Variants in NRG1 observed in about 807,000 individuals in gnomAD.
NRG1 encodes the protein pro-neuregulin-1, membrane-bound isoform.
In NRG1, 18 loss-of-function variants were observed where a neutral mutation model predicts 63.8. That is an observed-to-expected ratio of 0.28 (90% CI 0.19 to 0.42). NRG1 has a LOEUF of 0.42. Among genes scored for constraint, NRG1 ranks in the 10% least tolerant of loss-of-function variants. The probability of loss-of-function intolerance (pLI) is 1.00; values close to 1 mark genes in which losing one functional copy is unlikely to be tolerated. For missense variants in NRG1, 762 were observed against 814.7 expected (o/e 0.94, Z 0.79); for synonymous variants, 302 against 301.3 (o/e 1.00, Z -0.02).
intron 1 of NRG1, among the ~76,000 whole-genome samples, chr8:31,905,096 C>T (rs2129616005): frequency 6.6e-6 from 1 of 152,002 alleles, no homozygotes; most frequent in South Asian, 2.1e-4. Flanking sequence ...GCAGAAGAAG[C>T]TGATCTATGG....
chr8:31,834,330 C>CACACACAT (rs34893626), intron 1 of NRG1, among the ~76,000 whole-genome samples: 24,893 of 151,318 alleles, frequency 0.16, 2,256 homozygotes, highest in Admixed American at 0.21. Flanking sequence ...CACACACACA[C>CACACACAT]GCACACCAAT....
chr8:32,152,603 A>G (rs1837625935), intron 1 of NRG1, among the ~76,000 whole-genome samples: 1 of 152,170 alleles, frequency 6.6e-6, no homozygotes, highest in African/African-American at 2.4e-5. Context: ...AACTATTTCC[A>G]TTAATATAGC....
chr8:31,722,194 A>C (rs1409877360), intron 1 of NRG1, among the ~76,000 whole-genome samples: 1 of 152,086 alleles, frequency 6.6e-6, no homozygotes. Context: ...GCCCACTCAG[A>C]CCAGATCTAA....
chr8:32,236,614 A>G (rs73578666), intron 1 of NRG1, among the ~76,000 whole-genome samples: 15,099 of 152,216 alleles, frequency 0.099, 906 homozygotes, highest in East Asian at 0.28. Flanking sequence ...AGCAGCAATT[A>G]AATTTGTTTT....
chr8:32,444,078 C>T (rs1187910056), intron 1 of NRG1, among the ~76,000 whole-genome samples: 1 of 148,970 alleles, frequency 6.7e-6, no homozygotes, highest in Non-Finnish European at 1.5e-5. Context: ...CTCTTCCCTC[C>T]CTCCCTCCCT....
intron 1 of NRG1, among the ~76,000 whole-genome samples, chr8:31,962,983 T>C (rs189978372): frequency 2.0e-5 from 3 of 152,324 alleles, no homozygotes; most frequent in African/African-American, 7.2e-5. Flanking sequence ...CATGTAGACA[T>C]TGAAAAATAC....
chr8:32,044,649 A>G (rs966475114), intron 1 of NRG1, among the ~76,000 whole-genome samples: 19 of 151,758 alleles, frequency 1.3e-4, no homozygotes, highest in African/African-American at 3.9e-4. Flanking sequence ...GAAATAAATG[A>G]CAGATGCCAG....
chr8:32,323,262 G>A (rs1801623356), intron 1 of NRG1, among the ~76,000 whole-genome samples: 1 of 152,120 alleles, frequency 6.6e-6, no homozygotes, highest in Non-Finnish European at 1.5e-5. Context: ...CTTTCCAAAA[G>A]CAATGTACTT....
At chr8:32,540,010 C>T (rs1360104925) in intron 1 of NRG1, among the ~76,000 whole-genome samples, 1 of 152,000 alleles carries the variant, frequency 6.6e-6, no homozygotes, top group Non-Finnish European at 1.5e-5. Flanking sequence ...AGTCCTTGAA[C>T]TGATAAACAA....
intron 1 of NRG1, among the ~76,000 whole-genome samples, chr8:32,464,733 C>G (rs916340345): frequency 6.6e-6 from 1 of 152,008 alleles, no homozygotes; most frequent in African/African-American, 2.4e-5. Flanking sequence ...TCATGGATAT[C>G]TATGTCATTT....
At chr8:32,626,160 G>A (rs1346132288) in intron 5 of NRG1, among the ~76,000 whole-genome samples, 1 of 152,030 alleles carries the variant, frequency 6.6e-6, no homozygotes, top group Non-Finnish European at 1.5e-5. Context: ...TTCAGCATGA[G>A]GCTAGGAAAT....
rs151229497 is a variant in NRG1 at position 32,637,936 on chromosome 8, A to G, written c.502+21051A>G. ...TGGGAGCATTAAAGAGTAAACTTTCAAGTAGAAATGGTCCAGGGAAACAGT... is the reference window on the plus strand; with the variant it reads ...TGGGAGCATTAAAGAGTAAACTTTCGAGTAGAAATGGTCCAGGGAAACAGT... On this transcript the variant is annotated intron_variant, in intron 5 of 11. Transcript: ENST00000356819. Among the ~76,000 whole-genome samples, 1,175 of 152,288 alleles carry G rather than the reference A, an allele frequency of 7.7e-3. 6 individuals carry two copies. The highest frequency in any genetic ancestry group is 0.024 in the Middle Eastern group (7 of 294).
At chr8:31,948,821 G>C (rs1021611996) in intron 1 of NRG1, among the ~76,000 whole-genome samples, 1 of 152,168 alleles carries the variant, frequency 6.6e-6, no homozygotes, top group Non-Finnish European at 1.5e-5. Context: ...CCCCCAACAG[G>C]ATGTGCCATG....
intron 1 of NRG1, among the ~76,000 whole-genome samples, chr8:31,771,014 T>C (rs1241794415): frequency 2.0e-5 from 3 of 152,080 alleles, no homozygotes; most frequent in African/African-American, 7.2e-5. Context: ...AGTTCTTACA[T>C]GCAATCATTT....
intron 6 of NRG1, among the ~76,000 whole-genome samples, chr8:32,731,852 G>A (rs1431318380): frequency 6.6e-6 from 1 of 152,142 alleles, no homozygotes; most frequent in Non-Finnish European, 1.5e-5. Flanking sequence ...CTAGAGCTAA[G>A]CATTGCTGAA....
intron 1 of NRG1, among the ~76,000 whole-genome samples, chr8:31,943,315 T>A (rs1037887582): frequency 3.9e-5 from 6 of 152,212 alleles, no homozygotes; most frequent in Middle Eastern, 3.4e-3. Context: ...TTCTCACTCA[T>A]ATGTGGGAGC....
At chr8:31,693,794 A>G (rs142045173) in intron 1 of NRG1, among the ~76,000 whole-genome samples, 404 of 152,280 alleles carry the variant, frequency 2.7e-3, no homozygotes, top group Non-Finnish European at 3.2e-3. Context: ...CTGTCCTGTC[A>G]TAAATTGCCG....
chr8:31,749,295 T>C (rs980985664), intron 1 of NRG1, among the ~76,000 whole-genome samples: 2 of 151,890 alleles, frequency 1.3e-5, no homozygotes, highest in Admixed American at 6.6e-5. Flanking sequence ...AGTTTTACAA[T>C]CTAGAAAAAA....
Position 31,928,294 on chromosome 8 carries a change from C to G in NRG1, c.37+288863C>G, listed in dbSNP as rs369187621. ...TCACAATGACATACCACCTTACCCC[C>G]CAGCCAGAATGGCGATTAGTGAAAA... On this transcript the variant is annotated intron_variant, in intron 1 of 10. Coordinates refer to the NRG1 transcript ENST00000519301. 1.9e-4 allele frequency among the ~76,000 whole-genome samples: 28 copies of G among 149,066 alleles called. No individual in the cohort carries two copies. In the East Asian group the frequency reaches 4.9e-3, roughly 26 times the overall value.
Sources: allele counts gnomAD v4.1 joint callset (sites outside exome capture counted in the v4.1 genomes callset), GRCh38; gene constraint gnomAD v4.1.1; transcripts MANE v1.5; gene names NCBI Gene and HGNC (gene_info 2026-07-23, HGNC 2026-07-21).